ANKFN1: variants seen among roughly 807,000 people sequenced by gnomAD.
ANKFN1 encodes the protein ankyrin repeat and fibronectin type-III domain-containing protein 1.
In ANKFN1, 74 loss-of-function variants were observed where a neutral mutation model predicts 108.7. That is an observed-to-expected ratio of 0.68 (90% CI 0.56 to 0.83). The LOEUF is 0.83. Ranked by LOEUF, ANKFN1 falls within the 40% of genes least tolerant of loss-of-function variation. The probability of loss-of-function intolerance (pLI) is 0.00; values close to 1 mark genes in which losing one functional copy is unlikely to be tolerated. For missense variants in ANKFN1, 1,505 were observed against 1,382.3 expected (o/e 1.09, Z -1.41); for synonymous variants, 547 against 516.2 (o/e 1.06, Z -0.81).
chr17:56,480,588 G>A (rs1442513884), intron 16 of ANKFN1, 80 bp from the exon 17 acceptor site: 2 of 1,459,644 alleles, frequency 1.4e-6, no homozygotes, highest in South Asian at 1.2e-5. Flanking sequence ...TCCAGGTTCT[G>A]GACACATACA....
chr17:56,214,274 T>G (rs559284613), intron 2 of ANKFN1, among the ~76,000 whole-genome samples: 5 of 152,286 alleles, frequency 3.3e-5, no homozygotes, highest in Admixed American at 2.6e-4. Flanking sequence ...AAATGTGCGT[T>G]AATAAGAATA....
intron 15 of ANKFN1, among the ~76,000 whole-genome samples, chr17:56,467,071 G>C (rs987273424): frequency 2.0e-5 from 3 of 152,042 alleles, no homozygotes; most frequent in Admixed American, 2.0e-4. Context: ...AGCCAAGATT[G>C]TGCGACTGCC....
chr17:56,077,595 A>C (rs1176079160), intron 4 of ANKFN1, among the ~76,000 whole-genome samples: 1 of 151,990 alleles, frequency 6.6e-6, no homozygotes, highest in Non-Finnish European at 1.5e-5. Context: ...CATTTGGCTT[A>C]TTTTGTGCAT....
At chr17:56,207,103 T>G (rs1430727720) in intron 1 of ANKFN1, 2 of 152,212 alleles carry the variant, frequency 1.3e-5, no homozygotes, top group African/African-American at 2.4e-5. Flanking sequence ...TTTATATTTC[T>G]CCATCTGCAG....
intron 20 of ANKFN1, 74 bp from the exon 21 acceptor site, chr17:56,510,399 C>A: frequency 7.9e-7 from 1 of 1,269,410 alleles, no homozygotes; most frequent in Non-Finnish European, 1.1e-6. Flanking sequence ...GGGTCAAATG[C>A]ACTGTTCCTA....
intron 4 of ANKFN1, among the ~76,000 whole-genome samples, chr17:56,106,860 T>TACC (rs1905761810): frequency 6.6e-6 from 1 of 152,210 alleles, no homozygotes; most frequent in Non-Finnish European, 1.5e-5. Flanking sequence ...ATGATTGTTA[T>TACC]TGGGAGCCAG....
intron 1 of ANKFN1, among the ~76,000 whole-genome samples, chr17:56,188,017 A>C (rs1234823497): frequency 2.0e-5 from 3 of 152,192 alleles, no homozygotes; most frequent in Non-Finnish European, 2.9e-5. Context: ...CAAACATGGC[A>C]CTTGTATACA....
intron 8 of ANKFN1, among the ~76,000 whole-genome samples, chr17:56,401,170 C>T (rs573627860): frequency 6.6e-6 from 1 of 152,206 alleles, no homozygotes; most frequent in South Asian, 2.1e-4. Flanking sequence ...TTGTAGATTG[C>T]TTTTGGCAGT....
intron 3 of ANKFN1, among the ~76,000 whole-genome samples, chr17:56,287,169 A>G (rs1268217493): frequency 1.3e-5 from 2 of 152,260 alleles, no homozygotes; most frequent in East Asian, 3.9e-4. Context: ...AGAGGTAAAT[A>G]ATTTACTCAA....
chr17:56,445,929 A>G (rs114868864), intron 10 of ANKFN1, among the ~76,000 whole-genome samples: 3,511 of 152,244 alleles, frequency 0.023, 129 homozygotes, highest in African/African-American at 0.08. Context: ...ATGTGACACA[A>G]TCTGCTCTTT....
intron 16 of ANKFN1, among the ~76,000 whole-genome samples, chr17:56,479,283 G>A (rs953783481): frequency 2.0e-5 from 3 of 152,104 alleles, no homozygotes; most frequent in South Asian, 4.2e-4. Flanking sequence ...GTGTTTTTAC[G>A]ATATTCCTAC....
At chr17:56,390,168 C>T (rs1447512611) in intron 8 of ANKFN1, among the ~76,000 whole-genome samples, 2 of 151,994 alleles carry the variant, frequency 1.3e-5, no homozygotes, top group Non-Finnish European at 2.9e-5. Context: ...ACATGCATTA[C>T]GTATTTGTCC....
intron 19 of ANKFN1, among the ~76,000 whole-genome samples, chr17:56,498,350 T>C (rs1395208142): frequency 6.6e-6 from 1 of 152,160 alleles, no homozygotes; most frequent in Admixed American, 6.5e-5. Flanking sequence ...CTACATTTCT[T>C]TCTTAAGATA....
At chr17:56,246,656 A>G (rs1917976366) in intron 3 of ANKFN1, among the ~76,000 whole-genome samples, 2 of 152,144 alleles carry the variant, frequency 1.3e-5, no homozygotes, top group African/African-American at 4.8e-5. Context: ...GCCAATCAGA[A>G]CTTTGATTTG....
intron 4 of ANKFN1, among the ~76,000 whole-genome samples, chr17:56,132,675 T>C (rs1198665874): frequency 6.6e-6 from 1 of 152,156 alleles, no homozygotes; most frequent in Non-Finnish European, 1.5e-5. Context: ...TTCTGGAGAC[T>C]AAGAAGTCCA....
At chr17:56,431,257 T>C (rs1478365578) in intron 8 of ANKFN1, among the ~76,000 whole-genome samples, 1 of 152,186 alleles carries the variant, frequency 6.6e-6, no homozygotes, top group African/African-American at 2.4e-5. Flanking sequence ...ATGGATAGAA[T>C]TACTAAATTA....
intron 7 of ANKFN1, 63 bp from the exon 8 acceptor site, chr17:56,374,538 G>C: frequency 8.3e-7 from 1 of 1,203,374 alleles, no homozygotes; most frequent in Non-Finnish European, 1.2e-6. Flanking sequence ...TTTGAAGAGG[G>C]AGGAACGTTG....
At chr17:56,145,034 G>A (rs1179771419) in intron 4 of ANKFN1, among the ~76,000 whole-genome samples, 2 of 152,070 alleles carry the variant, frequency 1.3e-5, no homozygotes, top group Non-Finnish European at 2.9e-5. Flanking sequence ...CTCTCCTTGG[G>A]GCAGCTCAGG....
intron 19 of ANKFN1, among the ~76,000 whole-genome samples, chr17:56,493,798 TAAAGGCAGAG>T (rs1475125000): frequency 6.6e-6 from 1 of 152,146 alleles, no homozygotes; most frequent in Non-Finnish European, 1.5e-5. Context: ...TTGAGAAGAC[TAAAGGCAGAG>T]AAACCAAATA....
Sources: allele counts gnomAD v4.1 joint callset (sites outside exome capture counted in the v4.1 genomes callset), GRCh38; gene constraint gnomAD v4.1.1; transcripts MANE v1.5; gene names NCBI Gene and HGNC (gene_info 2026-07-23, HGNC 2026-07-21).